Variants in ADCY3 observed in about 807,000 individuals in gnomAD.
ADCY3 encodes the protein adenylate cyclase 3.
In ADCY3, 70 loss-of-function variants were observed where a neutral mutation model predicts 119.4. The ratio of observed to expected loss-of-function variants is 0.59; its 90% CI spans 0.48 to 0.72. The LOEUF (loss-of-function observed/expected upper bound fraction) is 0.72, where lower values mean the gene tolerates loss of function less well. Ranked by LOEUF, ADCY3 falls within the 30% of genes least tolerant of loss-of-function variation. The pLI, the probability that ADCY3 is intolerant of heterozygous loss-of-function variation, is 0.00. For synonymous variants in ADCY3, 672 were observed against 621.4 expected, an observed-to-expected ratio of 1.08 and a Z score of -1.21; for missense variants, 1,238 against 1,541.6, an observed-to-expected ratio of 0.80 and a Z score of 3.30.
At chr2:24,823,386 G>T in intron 17 of ADCY3, 31 bp from the exon 18 acceptor site, 1 of 1,605,348 alleles carries the variant, frequency 6.2e-7, no homozygotes, top group Non-Finnish European at 8.5e-7. Context: ...CGTGCTCAAA[G>T]CATGTCCGAC....
chr2:24,857,991 A>ATTTT (rs56672595), intron 3 of ADCY3, among the ~76,000 whole-genome samples: 9,079 of 122,186 alleles, frequency 0.074, 379 homozygotes, highest in Non-Finnish European at 0.084. Flanking sequence ...TGTGGTCTGA[A>ATTTT]TTTTTTTTTT....
chr2:24,917,264 G>A (rs975099534), intron 2 of ADCY3, among the ~76,000 whole-genome samples: 2 of 152,220 alleles, frequency 1.3e-5, no homozygotes, highest in African/African-American at 2.4e-5. Context: ...GAAGGTCACC[G>A]CTTCAGAGCT....
At position 24,821,505 on chromosome 2, in the gene ADCY3, G is replaced by A. The variant is rs138929956; in HGVS notation, c.3127+12C>T. 450 of 1,613,394 alleles carry A rather than the reference G, an allele frequency of 2.8e-4. 1 individual carries two copies. The African/African-American group carries it at 5.3e-3, about 19-fold the overall frequency. ...GAGCCTGCTGCGGGGCAGGCCAGCTGGGGGTGCTCACCTATGCGCAGCATG... is the reference window on the plus strand; with the variant it reads ...GAGCCTGCTGCGGGGCAGGCCAGCTAGGGGTGCTCACCTATGCGCAGCATG... On this transcript the variant is annotated intron_variant, in intron 20 of 21. Coordinates refer to ENST00000679454, the MANE Select transcript of ADCY3 (RefSeq NM_004036.5).
rs541665903 is a variant in ADCY3 at position 24,820,123 on chromosome 2, G to A, written c.3253-9C>T. On this transcript the variant is annotated splice_polypyrimidine_tract_variant and intron_variant, in intron 21 of 21. Transcript: ENST00000679454. ...TGGGTTTCTTCTACCACCTGGAGAG[G>A]GAGGGGGAGCAAGAACGTGGCGTTA... is the stretch of plus-strand genomic sequence containing the variant. 7.2e-6 allele frequency: 11 copies of A among 1,534,604 alleles called. No homozygotes were observed. The highest frequency in any genetic ancestry group is 4.2e-5 in the African/African-American group (3 of 72,038).
rs767742091 is a variant in ADCY3, at chr2:24,829,974, G to T, written c.2172+735C>A. Among the ~76,000 whole-genome samples the T allele has an allele frequency of 2.6e-5, 4 of 151,388 alleles. 1 individual carries two copies. Among genetic ancestry groups the T allele is most frequent in the African/African-American group, 4.9e-5 (2 of 41,090 alleles). On this transcript the variant is annotated intron_variant, in intron 13 of 21. Coordinates refer to ENST00000679454, the MANE Select transcript of ADCY3 (RefSeq NM_004036.5). ...TCAGGGAGGAAGAATACACAGGACT[G>T]GGACTTAGAACTGCCTCCATTCTGG...
chr2:24,830,247 G>T lies in ADCY3; in HGVS notation c.2172+462C>A, dbSNP rs569231526. ...GTACAGATGGGGTTTCACCATGTTG[G>T]CCAGGCTGGTTTCGAACTCCTGACC... is the stretch of plus-strand genomic sequence containing the variant. On this transcript the variant is annotated intron_variant, in intron 13 of 21. Transcript: ENST00000679454. Among the ~76,000 whole-genome samples, 3 of 151,516 alleles carry T rather than the reference G, an allele frequency of 2.0e-5. No individual in the cohort carries two copies. In the East Asian group the frequency reaches 5.8e-4, roughly 29 times the overall value.
At position 24,839,963 on chromosome 2, in the gene ADCY3, C is replaced by T; in HGVS notation, c.1265G>A (p.Gly422Glu). Residue 422 changes from glycine to glutamate, a missense_variant, in exon 7 of 22, where the codon GGG becomes GAG. Physicochemically the swap from Gly to Glu is moderately conservative, Grantham distance 98. Around this residue, in one of 7 missense-constraint regions of ADCY3, gnomAD observed 283 missense variants for 437.2 expected, o/e 0.65. Coordinates refer to ENST00000679454, the MANE Select transcript of ADCY3 (RefSeq NM_004036.5). Reference protein sequence around the residue: ...RVGVHTGTVLGGVLGQKRWQY... With the variant: ...RVGVHTGTVLEGVLGQKRWQY... ...CCAGCGCTTCTGGCCCAGGACGCCCCCCAGCACGGTGCCCGTGTGCACCCC... is the reference window on the plus strand; with the variant it reads ...CCAGCGCTTCTGGCCCAGGACGCCCTCCAGCACGGTGCCCGTGTGCACCCC... 1 of 1,613,882 alleles carries T rather than the reference C, an allele frequency of 6.2e-7. No individual in the cohort carries two copies. The highest frequency in any genetic ancestry group is 8.5e-7 in the Non-Finnish European group (1 of 1,180,026).
chr2:24,880,837 G>A (rs537307405), intron 2 of ADCY3, among the ~76,000 whole-genome samples: 3 of 152,244 alleles, frequency 2.0e-5, no homozygotes, highest in South Asian at 2.1e-4. Context: ...CCAATGTGGC[G>A]AAACTCATCT....
rs922788794 is a variant in ADCY3 at position 24,872,867 on chromosome 2, G to A, written c.676-148C>T. On this transcript the variant is annotated intron_variant, in intron 2 of 21. Coordinates refer to ENST00000679454, the MANE Select transcript of ADCY3 (RefSeq NM_004036.5). This position sits in a 1 kb window ranked among gnomAD's most constrained non-coding sequence, Gnocchi z 4.4. ...AATGTCCAGGGAGGGGCCCAGCACA[G>A]CCTTGGACCCCAGAGCCTCAGACAC... 244 of 902,356 alleles carry A rather than the reference G, an allele frequency of 2.7e-4. 1 individual carries two copies. Among genetic ancestry groups the A allele is most frequent in the South Asian group, 8.3e-4 (48 of 58,108 alleles). The allele number at this position is 902,356 out of a possible 1,614,324, so 55.9% of individuals were successfully genotyped here. A position where few individuals can be genotyped will look rare whatever the true frequency, so the allele number is the denominator to read the frequency against.
intron 2 of ADCY3, among the ~76,000 whole-genome samples, chr2:24,906,293 T>C (rs1182949931): frequency 9.7e-6 from 1 of 103,026 alleles, no homozygotes; most frequent in Non-Finnish European, 1.9e-5. Context: ...GGCGAGAGAG[T>C]GAGACTGTTT....
rs559903123 is a variant in ADCY3 at position 24,865,194 on chromosome 2, C to T, written c.825+7376G>A. ...TGAAAAGATCTAGTGCCTGTAATCC[C>T]AGCATTTTGGGAGGCCGAGGCGGGC... On this transcript the variant is annotated intron_variant, in intron 3 of 21. Coordinates refer to ENST00000679454, the MANE Select transcript of ADCY3 (RefSeq NM_004036.5). Among the ~76,000 whole-genome samples, 88 of 152,178 alleles carry T rather than the reference C, an allele frequency of 5.8e-4. 2 individuals carry two copies. The South Asian group carries it at 0.017, about 29-fold the overall frequency.
At chr2:24,864,235 G>C (rs1175825757) in intron 3 of ADCY3, among the ~76,000 whole-genome samples, 1 of 152,184 alleles carries the variant, frequency 6.6e-6, no homozygotes, top group Non-Finnish European at 1.5e-5. Context: ...GCTGCAGTGA[G>C]CTGAGATCGC....
rs1054845975 is a variant in ADCY3, at chr2:24,841,414, C to G, written c.1069-28G>C. On this transcript the variant is annotated intron_variant, in intron 5 of 21. Coordinates refer to ENST00000679454, the MANE Select transcript of ADCY3 (RefSeq NM_004036.5). This position sits in a 1 kb window ranked among gnomAD's most constrained non-coding sequence, Gnocchi z 5.8. ...GAAAGGGGAGGGCCTGGCCTGTGCTCCAGCCCCTCCTCAGTGAGGGAGGAG... is the reference window on the plus strand; with the variant it reads ...GAAAGGGGAGGGCCTGGCCTGTGCTGCAGCCCCTCCTCAGTGAGGGAGGAG... The G allele has an allele frequency of 6.2e-7, 1 of 1,608,374 alleles. No individual in the cohort carries two copies. The highest frequency in any genetic ancestry group is 1.3e-5 in the African/African-American group (1 of 74,844).
At chr2:24,895,362 C>T (rs1678133004) in intron 2 of ADCY3, among the ~76,000 whole-genome samples, 1 of 152,192 alleles carries the variant, frequency 6.6e-6, no homozygotes, top group African/African-American at 2.4e-5. Flanking sequence ...GCTGAGATTA[C>T]AGGCATGAGC....
rs559842310 is a variant in ADCY3 at position 24,904,500 on chromosome 2, G to A, written c.675+13813C>T. ...CGTGCCCCTGCACTCCAGCCTGAGC[G>A]ACAGAGTGAAATTCCATCTCAAAAA... On this transcript the variant is annotated intron_variant, in intron 2 of 21. Coordinates refer to ENST00000679454, the MANE Select transcript of ADCY3 (RefSeq NM_004036.5). Among the ~76,000 whole-genome samples, 15 of 151,968 alleles carry A rather than the reference G, an allele frequency of 9.9e-5. No homozygotes were observed. In the South Asian group the frequency reaches 2.3e-3, roughly 23 times the overall value.
intron 8 of ADCY3, 91 bp downstream of exon 8, chr2:24,838,354 C>A: frequency 7.4e-7 from 1 of 1,343,588 alleles, no homozygotes. Context: ...CCTGCCACCT[C>A]TTCTGCAATC....
At chr2:24,849,269 C>A (rs1047837820) in intron 3 of ADCY3, among the ~76,000 whole-genome samples, 1 of 152,160 alleles carries the variant, frequency 6.6e-6, no homozygotes, top group Non-Finnish European at 1.5e-5. Context: ...AGCTCCATGC[C>A]CCTGACCACA....
Position 24,834,790 on chromosome 2 carries a change from T to G in ADCY3, c.1805+4A>C. Reference sequence around the variant, plus strand: ...GGGCCTGGACGCTTCCGGGTGGCGCTTACACTTGGGCGGACTCTCGCTCAA... The same window carrying G: ...GGGCCTGGACGCTTCCGGGTGGCGCGTACACTTGGGCGGACTCTCGCTCAA... On this transcript the variant is annotated splice_donor_region_variant and intron_variant, in intron 10 of 21. Coordinates refer to ENST00000679454, the MANE Select transcript of ADCY3 (RefSeq NM_004036.5). This position sits in a 1 kb window ranked among gnomAD's most constrained non-coding sequence, Gnocchi z 4.2. The G allele has an allele frequency of 6.2e-7, 1 of 1,612,240 alleles. No homozygotes were observed. Among genetic ancestry groups the G allele is most frequent in the Non-Finnish European group, 8.5e-7 (1 of 1,178,842 alleles).
At chr2:24,822,257 G>A in intron 19 of ADCY3, 1 of 392,074 alleles carries the variant, frequency 2.6e-6, no homozygotes, top group South Asian at 4.4e-5. Flanking sequence ...CAGAGCCTTA[G>A]GGGGCCTGGC....
Sources: allele counts gnomAD v4.1 joint callset (sites outside exome capture counted in the v4.1 genomes callset), GRCh38; gene constraint gnomAD v4.1.1; regional missense constraint gnomAD v4.1.1; non-coding constraint Gnocchi (gnomAD v3.1); transcripts MANE v1.5; gene names NCBI Gene and HGNC (gene_info 2026-07-23, HGNC 2026-07-21).